SDK2: variants seen among roughly 807,000 people sequenced by gnomAD.
SDK2 encodes protein sidekick-2.
Under a neutral mutation model 253.9 loss-of-function variants are expected in SDK2, and 105 were observed. The observed-to-expected ratio is 0.41, with a 90% CI of 0.35 to 0.49. The LOEUF is 0.49. SDK2 is among the 20% of genes least tolerant of loss of function. The probability of loss-of-function intolerance (pLI) is 0.06; values close to 1 mark genes in which losing one functional copy is unlikely to be tolerated. For synonymous variants in SDK2, 1,249 were observed against 1,234.9 expected, an observed-to-expected ratio of 1.01 and a Z score of -0.24; for missense variants, 2,608 against 3,003.0, an observed-to-expected ratio of 0.87 and a Z score of 3.07.
chr17:73,505,807 CTCATCATCA>C (rs1309797499), intron 2 of SDK2, among the ~76,000 whole-genome samples: 5 of 152,072 alleles, frequency 3.3e-5, no homozygotes, highest in Admixed American at 2.6e-4. Flanking sequence ...ATAGCTGGAC[CTCATCATCA>C]TCATCATCAC....
rs184263040 is a variant in SDK2, at chr17:73,338,433, G to A, written c.*154C>T. 9.2e-5 allele frequency: 65 copies of A among 703,408 alleles called. No individual in the cohort carries two copies. Among genetic ancestry groups the A allele is most frequent in the Admixed American group, 3.1e-4 (15 of 47,800 alleles). The allele number at this position is 703,408 out of a possible 1,614,324, so 43.6% of individuals were successfully genotyped here. ...GGTTTTCTCCCTCCTTCTGAACGCCGGCTTTGCTGGCCCTGGAATCTCTGG... is the reference window on the plus strand; with the variant it reads ...GGTTTTCTCCCTCCTTCTGAACGCCAGCTTTGCTGGCCCTGGAATCTCTGG... On this transcript the variant is annotated 3_prime_UTR_variant, in exon 45 of 45. Coordinates refer to ENST00000392650, the MANE Select transcript of SDK2 (RefSeq NM_001144952.2). This position sits in a 1 kb window ranked among gnomAD's most constrained non-coding sequence, Gnocchi z 5.0.
At chr17:73,630,150 A>G (rs2046250257) in intron 1 of SDK2, among the ~76,000 whole-genome samples, 1 of 151,928 alleles carries the variant, frequency 6.6e-6, no homozygotes, top group African/African-American at 2.4e-5. Flanking sequence ...GCCCTAGGAG[A>G]AGCACCTTCT....
chr17:73,457,173 C>A (rs79904857), intron 3 of SDK2, among the ~76,000 whole-genome samples: 1 of 151,980 alleles, frequency 6.6e-6, no homozygotes, highest in African/African-American at 2.4e-5. Context: ...ATTTCACTGG[C>A]GTGGAGTGTG....
Position 73,422,093 on chromosome 17 carries a change from C to G in SDK2, c.2045+194G>C, listed in dbSNP as rs142253349. Among the ~76,000 whole-genome samples the G allele has an allele frequency of 7.2e-3, 1,098 of 152,282 alleles. 19 individuals carry two copies. The highest frequency in any genetic ancestry group is 0.025 in the African/African-American group (1,051 of 41,568). On this transcript the variant is annotated intron_variant, in intron 15 of 44. Transcript: ENST00000392650. ...GGTGCTCACCGCGTTCCCCAGTGCC[C>G]TACTCAGAGCACCCCATTTAACCTT...
At chr17:73,601,978 A>G (rs2045848300) in intron 1 of SDK2, among the ~76,000 whole-genome samples, 1 of 152,188 alleles carries the variant, frequency 6.6e-6, no homozygotes, top group Admixed American at 6.5e-5. Context: ...TCCTCACCTC[A>G]GGTGATCCGC....
At chr17:73,375,775 G>C (rs566665514) in intron 36 of SDK2, among the ~76,000 whole-genome samples, 4 of 151,342 alleles carry the variant, frequency 2.6e-5, no homozygotes, top group Non-Finnish European at 5.9e-5. Flanking sequence ...AGAATCACTT[G>C]AACCTGGGAG....
intron 18 of SDK2, among the ~76,000 whole-genome samples, chr17:73,408,075 A>G: frequency 1.1e-5 from 1 of 92,432 alleles, no homozygotes; most frequent in South Asian, 4.7e-4. Flanking sequence ...CTTTTGAGAC[A>G]GAGTCTGGCT....
Position 73,465,466 on chromosome 17 carries a change from G to C in SDK2, c.331+6646C>G, listed in dbSNP as rs530770761. ...GGTGAAACGCTGGCTGTGGTGAAAC[G>C]CTGGCTCGAGGTCCTCTGCCACCTC... On this transcript the variant is annotated intron_variant, in intron 3 of 44. Coordinates refer to ENST00000392650, the MANE Select transcript of SDK2 (RefSeq NM_001144952.2). This position sits in a 1 kb window ranked among gnomAD's most constrained non-coding sequence, Gnocchi z 4.2. 6.6e-6 allele frequency among the ~76,000 whole-genome samples: 1 copy of C among 152,092 alleles called. No individual in the cohort carries two copies. The highest frequency in any genetic ancestry group is 1.5e-5 in the Non-Finnish European group (1 of 68,026).
At position 73,422,294 on chromosome 17, in the gene SDK2, T is replaced by G. The variant is rs2063238657; in HGVS notation, c.2038A>C (p.Thr680Pro). ...DVGKGQFSKD[T>P]ERVSLPEEPP... is the part of the protein sequence containing the mutation. ...GAGCGCCAGTGCCCTCACCTCTCGGTGTCTTTGCTGAACTGTCCTTTCCCC... is the reference window on the plus strand; with the variant it reads ...GAGCGCCAGTGCCCTCACCTCTCGGGGTCTTTGCTGAACTGTCCTTTCCCC... The change falls in exon 15 of 45, where the codon ACC (threonine) becomes CCC (proline). Residue 680 changes from threonine to proline, a missense_variant. Thr to Pro is a conservative substitution (Grantham distance 38, BLOSUM62 -1). This residue lies in a region of SDK2 where 1,505 missense variants were observed against 1,859.1 expected (regional missense o/e 0.81). Coordinates refer to ENST00000392650, the MANE Select transcript of SDK2 (RefSeq NM_001144952.2). 1 of 1,613,842 alleles carries G rather than the reference T, an allele frequency of 6.2e-7. No homozygotes were observed. Among genetic ancestry groups the G allele is most frequent in the Non-Finnish European group, 8.5e-7 (1 of 1,179,866 alleles).
At chr17:73,626,224 G>A (rs1253160572) in intron 1 of SDK2, among the ~76,000 whole-genome samples, 1 of 152,248 alleles carries the variant, frequency 6.6e-6, no homozygotes, top group African/African-American at 2.4e-5. Flanking sequence ...GCGCCTGAGC[G>A]AGCTGGGGAA....
intron 1 of SDK2, among the ~76,000 whole-genome samples, chr17:73,594,824 T>A (rs1328274221): frequency 6.6e-6 from 1 of 150,932 alleles, no homozygotes; most frequent in South Asian, 2.1e-4. Context: ...CAGACACACA[T>A]ACAAATGCAC....
chr17:73,397,950 G>A (rs975867474), intron 24 of SDK2, 85 bp downstream of exon 24: 65 of 1,433,764 alleles, frequency 4.5e-5, no homozygotes, highest in Non-Finnish European at 5.7e-5. Flanking sequence ...GAAAGGAGCT[G>A]TAGGAATTCT....
At chr17:73,533,715 C>T (rs1294773636) in intron 1 of SDK2, among the ~76,000 whole-genome samples, 1 of 130,542 alleles carries the variant, frequency 7.7e-6, no homozygotes, top group Non-Finnish European at 1.6e-5. Context: ...ATTGGGGAAC[C>T]CACTTGGGCA....
At position 73,414,733 on chromosome 17, in the gene SDK2, G is replaced by T. The variant is rs756652190; in HGVS notation, c.2395C>A (p.His799Asn). ...GVPTVPPGNV[H>N]AEATNSTTIR... ...GTCGTGGAATTGGTGGCTTCCGCGT[G>T]CACATTGCCCGGAGGGACCGTGGGA... Residue 799 changes from histidine to asparagine, a missense_variant, in exon 18 of 45, where the codon CAC becomes AAC. This residue lies in a region of SDK2 where 1,505 missense variants were observed against 1,859.1 expected (regional missense o/e 0.81). Coordinates refer to ENST00000392650, the MANE Select transcript of SDK2 (RefSeq NM_001144952.2). 6.2e-7 allele frequency: 1 copy of T among 1,613,722 alleles called. No individual in the cohort carries two copies. The highest frequency in any genetic ancestry group is 8.5e-7 in the Non-Finnish European group (1 of 1,179,768).
At chr17:73,537,045 T>C (rs1463603393) in intron 1 of SDK2, among the ~76,000 whole-genome samples, 1 of 152,154 alleles carries the variant, frequency 6.6e-6, no homozygotes, top group Non-Finnish European at 1.5e-5. Context: ...CTTTGGGGAC[T>C]GTGAGGATGG....
chr17:73,366,762 G>A (rs1185783412), intron 37 of SDK2, among the ~76,000 whole-genome samples: 4 of 152,136 alleles, frequency 2.6e-5, no homozygotes, highest in Admixed American at 6.5e-5. Context: ...GCTTCTGGGA[G>A]GGTTAAGTGT....
chr17:73,358,671 C>T (rs1167251301), intron 39 of SDK2, among the ~76,000 whole-genome samples: 3 of 151,894 alleles, frequency 2.0e-5, no homozygotes, highest in East Asian at 1.9e-4. Flanking sequence ...GGGGGTTGGT[C>T]GGAGCGGGGC....
At chr17:73,397,779 G>A (rs1599523665) in intron 24 of SDK2, among the ~76,000 whole-genome samples, 1 of 152,324 alleles carries the variant, frequency 6.6e-6, no homozygotes, top group South Asian at 2.1e-4. Context: ...AGATTATTGG[G>A]AGAATCAAAT....
chr17:73,375,094 G>A lies in SDK2; in HGVS notation c.4980+4083C>T, dbSNP rs546065960. 6.6e-5 allele frequency among the ~76,000 whole-genome samples: 10 copies of A among 152,116 alleles called. No individual in the cohort carries two copies. In the East Asian group the frequency reaches 1.4e-3, roughly 21 times the overall value. On this transcript the variant is annotated intron_variant, in intron 36 of 44. Coordinates refer to ENST00000392650, the MANE Select transcript of SDK2 (RefSeq NM_001144952.2). The stretch of plus-strand genomic sequence containing the variant: ...ACTCTGGGGACACACAAGGCTCTCC[G>A]TATACCCCAAGTACCTGTCTACCCT...
Sources: gnomAD v4.1 joint callset for allele counts (sites outside exome capture counted in the v4.1 genomes callset) on GRCh38, gnomAD v4.1.1 for gene constraint, gnomAD v4.1.1 regional missense constraint, Gnocchi (gnomAD v3.1) non-coding constraint, MANE v1.5 for transcripts, NCBI Gene and HGNC (gene_info 2026-07-23, HGNC 2026-07-21) for gene names.